PRRC1: variants seen among roughly 807,000 people sequenced by gnomAD.
PRRC1 encodes proline rich coiled-coil 1.
A neutral mutation model predicts 40.7 loss-of-function variants in PRRC1; 39 were observed. The ratio of observed to expected loss-of-function variants is 0.96; its 90% CI spans 0.74 to 1.25. The LOEUF is 1.25. PRRC1 is among the 50% of genes most tolerant of loss of function. The pLI, the probability that PRRC1 is intolerant of heterozygous loss-of-function variation, is 0.00. For synonymous variants in PRRC1, 175 were observed against 193.3 expected, an observed-to-expected ratio of 0.91 and a Z score of 0.79; for missense variants, 573 against 548.3, an observed-to-expected ratio of 1.05 and a Z score of -0.45.
intron 6 of PRRC1, among the ~76,000 whole-genome samples, chr5:127,534,722 T>C (rs1015884089): frequency 2.0e-5 from 3 of 152,358 alleles, no homozygotes; most frequent in African/African-American, 7.2e-5. Flanking sequence ...ACTGTCTCTG[T>C]GCTAACAGTT....
At chr5:127,532,830 CTT>C (rs1434525078) in intron 5 of PRRC1, among the ~76,000 whole-genome samples, 1 of 152,136 alleles carries the variant, frequency 6.6e-6, no homozygotes, top group Non-Finnish European at 1.5e-5. Context: ...TGAAAAATCT[CTT>C]TTGCCGGTGA....
chr5:127,553,964 C>G lies in PRRC1; in HGVS notation c.*2048C>G, dbSNP rs985508652. On this transcript the variant is annotated 3_prime_UTR_variant, in exon 9 of 9. Coordinates refer to ENST00000296666, the MANE Select transcript of PRRC1 (RefSeq NM_130809.5). ...GGAAGAGAGAAATACATGAACTGCT[C>G]TGGCCTCTCTGGTTCTGTTCTTGGC... The G allele has an allele frequency of 6.7e-6, 10 of 1,488,826 alleles. No individual in the cohort carries two copies. In the African/African-American group the frequency reaches 8.4e-5, roughly 12 times the overall value. The allele number at this position is 1,488,826 out of a possible 1,614,324, so 92.2% of individuals were successfully genotyped here.
chr5:127,528,950 T>G (rs1767695782), intron 4 of PRRC1, among the ~76,000 whole-genome samples: 1 of 152,220 alleles, frequency 6.6e-6, no homozygotes, highest in African/African-American at 2.4e-5. Context: ...TAGAGCACAC[T>G]GTTTTAATTA....
rs114279744 is a variant in PRRC1 at position 127,527,693 on chromosome 5, A to T, written c.654+915A>T. 8.6e-3 allele frequency among the ~76,000 whole-genome samples: 1,229 copies of T among 142,422 alleles called. 11 individuals carry two copies. Among genetic ancestry groups the T allele is most frequent in the East Asian group, 0.033 (145 of 4,378 alleles). The allele number at this position is 142,422 out of a possible 152,430, so 93.4% of individuals were successfully genotyped here. A position where few individuals can be genotyped will look rare whatever the true frequency, so the allele number is the denominator to read the frequency against. On this transcript the variant is annotated intron_variant, in intron 4 of 8. Transcript: ENST00000296666. ...AGGATTGTTTGAGCCCAGGAGGTCC[A>T]GGCTGCTTGAGCTGTGATCATGATA...
intron 5 of PRRC1, among the ~76,000 whole-genome samples, chr5:127,532,689 C>T (rs899074038): frequency 6.6e-6 from 1 of 152,074 alleles, no homozygotes; most frequent in Non-Finnish European, 1.5e-5. Flanking sequence ...TTATGTCAGT[C>T]AGGAAAAAGG....
intron 7 of PRRC1, 44 bp downstream of exon 7, chr5:127,539,187 C>T: frequency 6.8e-7 from 1 of 1,476,862 alleles, no homozygotes; most frequent in Non-Finnish European, 9.5e-7. Context: ...ATAATTGGGT[C>T]TGGGAGTTGA....
chr5:127,520,806 CAT>C (rs1398500044), intron 1 of PRRC1, among the ~76,000 whole-genome samples: 9 of 152,090 alleles, frequency 5.9e-5, no homozygotes, highest in South Asian at 4.1e-4. Context: ...AATGTAAAAA[CAT>C]GTGAAATACA....
intron 8 of PRRC1, 154 bp downstream of exon 8, chr5:127,548,075 C>G (rs1768274820): frequency 1.4e-6 from 1 of 697,094 alleles, no homozygotes; most frequent in Non-Finnish European, 2.6e-6. Flanking sequence ...TTTTAATTTC[C>G]TGATCCTTCC....
Position 127,524,854 on chromosome 5 carries a change from A to G in PRRC1, c.427A>G (p.Arg143Gly), listed in dbSNP as rs781492319. Reference protein sequence around the residue: ...FSVGSTYDITRGHAGRAPQTP... With the variant: ...FSVGSTYDITGGHAGRAPQTP... ...TGTTGGTTCAACTTATGACATTACA[A>G]GGGGACATGCTGGGAGAGCTCCCCA... Residue 143 changes from arginine to glycine, a missense_variant, in exon 3 of 9, where the codon AGG (arginine) becomes GGG (glycine). Arg to Gly is a moderately radical substitution (Grantham distance 125, BLOSUM62 -2). Coordinates refer to ENST00000296666, the MANE Select transcript of PRRC1 (RefSeq NM_130809.5). 1.2e-6 allele frequency: 2 copies of G among 1,614,170 alleles called. No homozygotes were observed. The highest frequency in any genetic ancestry group is 1.7e-6 in the Non-Finnish European group (2 of 1,180,000).
intron 4 of PRRC1, 86 bp downstream of exon 4, chr5:127,526,864 G>A: frequency 8.6e-7 from 1 of 1,162,902 alleles, no homozygotes; most frequent in Non-Finnish European, 1.2e-6. Context: ...AATACAGGAT[G>A]GCACAAGGAA....
intron 3 of PRRC1, among the ~76,000 whole-genome samples, chr5:127,525,127 A>G (rs1767585876): frequency 6.6e-6 from 1 of 151,928 alleles, no homozygotes; most frequent in African/African-American, 2.4e-5. Context: ...GAAACCCTAT[A>G]CCTTTTAGCA....
intron 5 of PRRC1, among the ~76,000 whole-genome samples, chr5:127,530,676 T>C (rs1043620033): frequency 6.6e-6 from 1 of 152,068 alleles, no homozygotes; most frequent in East Asian, 1.9e-4. Context: ...ATTTTAAATA[T>C]AGGTTAGCAT....
rs187758776 is a variant in PRRC1 at position 127,544,826 on chromosome 5, C to T, written c.1026-2993C>T. Among the ~76,000 whole-genome samples, 1,001 of 152,322 alleles carry T rather than the reference C, an allele frequency of 6.6e-3. 13 individuals are homozygous for T. Among genetic ancestry groups the T allele is most frequent in the African/African-American group, 0.023 (945 of 41,580 alleles). On this transcript the variant is annotated intron_variant, in intron 7 of 8. Transcript: ENST00000296666. ...GGAAAGGGAACTCCCTGACCCCTTG[C>T]GCTTCCCGAGTGAGGCAATGCCTCA...
intron 1 of PRRC1, among the ~76,000 whole-genome samples, chr5:127,520,998 C>T (rs865996583): frequency 1.3e-4 from 19 of 151,928 alleles, no homozygotes; most frequent in African/African-American, 4.6e-4. Context: ...AAACAAAAGA[C>T]AGTTATGCTA....
chr5:127,543,278 C>T (rs1476777644), intron 7 of PRRC1, among the ~76,000 whole-genome samples: 2 of 152,106 alleles, frequency 1.3e-5, no homozygotes, highest in East Asian at 1.9e-4. Context: ...GTGGGTAACC[C>T]GACCTTTCTC....
chr5:127,553,980 T>A lies in PRRC1; in HGVS notation c.*2064T>A. The A allele has an allele frequency of 7.0e-7, 1 of 1,420,754 alleles. No homozygotes were observed. Among genetic ancestry groups the A allele is most frequent in the Non-Finnish European group, 9.4e-7 (1 of 1,067,330 alleles). The allele number at this position is 1,420,754 out of a possible 1,614,324, so 88.0% of individuals were successfully genotyped here. A position where few individuals can be genotyped will look rare whatever the true frequency, so the allele number is the denominator to read the frequency against. ...TGAACTGCTCTGGCCTCTCTGGTTCTGTTCTTGGCCCAGAGTTTTTGAAAA... is the reference window on the plus strand; with the variant it reads ...TGAACTGCTCTGGCCTCTCTGGTTCAGTTCTTGGCCCAGAGTTTTTGAAAA... On this transcript the variant is annotated 3_prime_UTR_variant, in exon 9 of 9. Transcript: ENST00000296666.
At position 127,553,869 on chromosome 5, in the gene PRRC1, C is replaced by A. The variant is rs947945692; in HGVS notation, c.*1953C>A. 5 of 1,535,536 alleles carry A rather than the reference C, an allele frequency of 3.3e-6. No homozygotes were observed. The highest frequency in any genetic ancestry group is 4.4e-6 in the Non-Finnish European group (5 of 1,146,640). On this transcript the variant is annotated 3_prime_UTR_variant, in exon 9 of 9. Coordinates refer to ENST00000296666, the MANE Select transcript of PRRC1 (RefSeq NM_130809.5). ...TGGTTGAAGCTAGAAATTTTCCTGC[C>A]CCTGGTGACCTGGTAAGCCTCCTGC...
At chr5:127,526,565 G>C in intron 3 of PRRC1, 53 bp from the exon 4 acceptor site, 1 of 1,447,992 alleles carries the variant, frequency 6.9e-7, no homozygotes, top group South Asian at 1.4e-5. Context: ...CCTTTTTATA[G>C]GAAAAAGTTT....
At position 127,553,337 on chromosome 5, in the gene PRRC1, AAT is replaced by A. The variant is rs1172969184; in HGVS notation, c.*1426_*1427del. On this transcript the variant is annotated 3_prime_UTR_variant, in exon 9 of 9. Transcript: ENST00000296666. ...GAATGAATATTAAATTTGAATATTAAATATATGTTACTTTCCAAGCACTGTAT... is the reference window on the plus strand; with the variant it reads ...GAATGAATATTAAATTTGAATATTAAATATGTTACTTTCCAAGCACTGTAT... 4.9e-5 allele frequency: 48 copies of A among 984,044 alleles called. No homozygotes were observed. Among genetic ancestry groups the A allele is most frequent in the East Asian group, 2.3e-4 (2 of 8,828 alleles). The allele number at this position is 984,044 out of a possible 1,614,324, so 61.0% of individuals were successfully genotyped here.
Sources: allele counts gnomAD v4.1 joint callset (sites outside exome capture counted in the v4.1 genomes callset), GRCh38; gene constraint gnomAD v4.1.1; transcripts MANE v1.5; gene names NCBI Gene and HGNC (gene_info 2026-07-23, HGNC 2026-07-21).